The following NTRK1 variants were observed in gnomAD, a reference collection of about 807,000 sequenced individuals.
NTRK1 encodes the protein high affinity nerve growth factor receptor.
In NTRK1, 62 loss-of-function variants were observed where a neutral mutation model predicts 86.8. That is an observed-to-expected ratio of 0.71 (90% CI 0.58 to 0.88). The LOEUF is 0.88. Among genes scored for constraint, NTRK1 ranks in the 40% least tolerant of loss-of-function variants. The pLI is 0.00. For synonymous variants in NTRK1, 469 were observed against 456.6 expected (o/e 1.03, Z -0.35); for missense variants, 967 against 1,078.4 (o/e 0.90, Z 1.45).
chr1:156,843,470 G>T lies in NTRK1; in HGVS notation c.50+1277G>T, dbSNP rs755706109. 9 of 1,614,056 alleles carry T rather than the reference G, an allele frequency of 5.6e-6. No individual in the cohort carries two copies. The South Asian group carries it at 7.7e-5, about 14-fold the overall frequency. On this transcript the variant is annotated intron_variant, in intron 2 of 16. Coordinates refer to the NTRK1 transcript ENST00000392302. The stretch of plus-strand genomic sequence containing the variant: ...ACTCTGGATTCACAGAAGCATACAG[G>T]GTTCTGTTTCTGCAACGGGAGGTGA...
Position 156,863,843 on chromosome 1 carries a change from C to A in NTRK1, c.213-511C>A, listed in dbSNP as rs1655798115. Among the ~76,000 whole-genome samples the A allele has an allele frequency of 3.9e-5, 6 of 152,150 alleles. No individual in the cohort carries two copies. In the South Asian group the frequency reaches 1.2e-3, roughly 32 times the overall value. On this transcript the variant is annotated intron_variant, in intron 1 of 16. Coordinates refer to ENST00000524377, the MANE Select transcript of NTRK1 (RefSeq NM_002529.4). ...TGTGGTAGCAAGTGTTTCAGTACAA[C>A]CTCCCACTGATGAGTGTGTGCCAGG...
intron 8 of NTRK1, 120 bp downstream of exon 8, chr1:156,874,079 T>C: frequency 9.2e-7 from 1 of 1,084,908 alleles, no homozygotes; most frequent in Non-Finnish European, 1.4e-6. Context: ...GAAAGGAGTC[T>C]GGAGTCCTGG....
At chr1:156,873,331 G>A (rs1397015940) in intron 7 of NTRK1, among the ~76,000 whole-genome samples, 1 of 152,136 alleles carries the variant, frequency 6.6e-6, no homozygotes, top group East Asian at 1.9e-4. Context: ...AAGACTCCAT[G>A]TTTAATTGTC....
intron 12 of NTRK1, 84 bp from the exon 13 acceptor site, chr1:156,875,996 A>G (rs2102916649): frequency 6.3e-7 from 1 of 1,599,586 alleles, no homozygotes; most frequent in Non-Finnish European, 8.6e-7. Flanking sequence ...CTTGTGCAGC[A>G]CACAGCCCTG....
At chr1:156,831,855 C>G (rs1248181438) in intron 1 of NTRK1, among the ~76,000 whole-genome samples, 1 of 152,204 alleles carries the variant, frequency 6.6e-6, no homozygotes, top group East Asian at 1.9e-4. Context: ...GGGTTTCCCT[C>G]TTCCCTCCTC....
chr1:156,858,902 GGGCCTCC>G (rs1558094446), upstream of NTRK1: 55 of 460,682 alleles, frequency 1.2e-4, no homozygotes, highest in South Asian at 1.2e-3. Flanking sequence ...GGAGAGTCTC[GGGCCTCC>G]AGAGGGAGAA....
At chr1:156,868,483 C>G in intron 5 of NTRK1, 22 bp from the exon 6 acceptor site, 1 of 1,553,390 alleles carries the variant, frequency 6.4e-7, no homozygotes, top group Non-Finnish European at 8.7e-7. Context: ...CCCCTTGGCC[C>G]TCGGGCGTCC....
intron 2 of NTRK1, chr1:156,849,047 C>T (rs1259426093): frequency 1.2e-6 from 2 of 1,612,642 alleles, no homozygotes; most frequent in Non-Finnish European, 1.7e-6. Flanking sequence ...GCGAGTCTGG[C>T]CTGGGTGGGG....
rs554902132 is a variant in NTRK1, at chr1:156,846,693, G to A, written c.50+4500G>A. ...CGGCTTAGGGGCAGCTCCACATCCAGCAGGTTCCAGCTCTGGGTTCCACAA... is the reference window on the plus strand; with the variant it reads ...CGGCTTAGGGGCAGCTCCACATCCAACAGGTTCCAGCTCTGGGTTCCACAA... On this transcript the variant is annotated intron_variant, in intron 2 of 16. Coordinates refer to the NTRK1 transcript ENST00000392302. The A allele has an allele frequency of 8.7e-6, 14 of 1,614,166 alleles. No individual in the cohort carries two copies. In the South Asian group the frequency reaches 1.4e-4, roughly 16 times the overall value.
intron 12 of NTRK1, 61 bp from the exon 13 acceptor site, chr1:156,876,019 C>T (rs1409489198): frequency 3.7e-6 from 6 of 1,613,324 alleles, no homozygotes; most frequent in South Asian, 1.1e-5. Flanking sequence ...AAGACAGTCC[C>T]CGCTACAACC....
intron 2 of NTRK1, among the ~76,000 whole-genome samples, chr1:156,849,648 A>G (rs1655135766): frequency 6.6e-6 from 1 of 152,114 alleles, no homozygotes; most frequent in South Asian, 2.1e-4. Context: ...CAGGAGTATG[A>G]TGTCTGCCAA....
intron 2 of NTRK1, chr1:156,845,086 G>C (rs1159581666): frequency 2.5e-6 from 4 of 1,607,818 alleles, no homozygotes; most frequent in African/African-American, 1.3e-5. Context: ...TGTGGGGCAT[G>C]GTGCGCGCAA....
At chr1:156,839,819 G>A (rs573078789) in intron 1 of NTRK1, among the ~76,000 whole-genome samples, 8 of 152,294 alleles carry the variant, frequency 5.3e-5, no homozygotes, top group Admixed American at 1.3e-4. Flanking sequence ...TAGACACAAA[G>A]GTTCCCTGCC....
chr1:156,880,323 C>T (rs1415992499), intron 16 of NTRK1, 166 bp downstream of exon 16: 9 of 684,572 alleles, frequency 1.3e-5, no homozygotes, highest in South Asian at 3.6e-5. Context: ...TGGCCCTTTT[C>T]TTCTCTTCCT....
intron 1 of NTRK1, among the ~76,000 whole-genome samples, chr1:156,821,477 GT>G (rs1654188656): frequency 6.6e-6 from 1 of 151,574 alleles, no homozygotes; most frequent in Non-Finnish European, 1.5e-5. Flanking sequence ...GTGTGTGTGT[GT>G]GTGTGTGTGT....
At chr1:156,874,665 C>T (rs538942645) in intron 10 of NTRK1, 39 bp downstream of exon 10, 13 of 1,593,446 alleles carry the variant, frequency 8.2e-6, no homozygotes, top group Admixed American at 1.7e-5. Context: ...ACTTTGGGAC[C>T]GGGAGGCTGG....
chr1:156,849,504 A>AGGGGGGGGGCG, intron 2 of NTRK1: 1 of 243,718 alleles, frequency 4.1e-6, no homozygotes, highest in Admixed American at 5.1e-5. Flanking sequence ...AGGTGGGGGC[A>AGGGGGGGGGCG]GGGGGTGGGA....
intron 2 of NTRK1, chr1:156,844,839 C>G (rs1412037974): frequency 6.2e-7 from 1 of 1,614,010 alleles, no homozygotes; most frequent in East Asian, 2.2e-5. Flanking sequence ...TACCATCAGC[C>G]TCTCCTGCGG....
chr1:156,874,257 C>A (rs2102908158), intron 8 of NTRK1, 126 bp from the exon 9 acceptor site: 1 of 1,443,092 alleles, frequency 6.9e-7, no homozygotes, highest in East Asian at 2.3e-5. Flanking sequence ...AGCAGCCCAC[C>A]TCCATCCCCC....
Sources: gnomAD v4.1 joint callset for allele counts (sites outside exome capture counted in the v4.1 genomes callset) on GRCh38, gnomAD v4.1.1 for gene constraint, MANE v1.5 for transcripts, NCBI Gene and HGNC (gene_info 2026-07-23, HGNC 2026-07-21) for gene names.